The following ADAMTS17 variants were observed in gnomAD, a reference collection of about 807,000 sequenced individuals.
ADAMTS17 encodes A disintegrin and metalloproteinase with thrombospondin motifs 17.
Under a neutral mutation model 141.5 loss-of-function variants are expected in ADAMTS17, and 113 were observed. The observed-to-expected ratio is 0.80, with a 90% confidence interval of 0.69 to 0.93. The LOEUF is 0.93. Ranked by LOEUF, ADAMTS17 falls within the 40% of genes least tolerant of loss-of-function variation. ADAMTS17 has a pLI of 0.00. For missense variants in ADAMTS17, 1,659 were observed against 1,517.9 expected (o/e 1.09, Z -1.54); for synonymous variants, 768 against 630.6 (o/e 1.22, Z -3.27).
At chr15:100,044,818 T>C (rs957501367) in intron 18 of ADAMTS17, among the ~76,000 whole-genome samples, 11 of 151,938 alleles carry the variant, frequency 7.2e-5, no homozygotes, top group African/African-American at 2.7e-4. Flanking sequence ...TTTTTTTTTT[T>C]TTTTTTTGAG....
In ADAMTS17 at chr15:100,331,105, C is replaced by A. The variant is rs372604560; in HGVS notation, c.451-51G>T. 2.5e-6 allele frequency: 4 copies of A among 1,609,546 alleles called. No individual in the cohort carries two copies. The Admixed American group carries it at 5.0e-5, about 20-fold the overall frequency. Reference sequence around the variant, plus strand: ...GATGTCGGTCATCCTCACTCACACACGCCCATGGCCCCCCGGAGGGGCAGG... The same window carrying A: ...GATGTCGGTCATCCTCACTCACACAAGCCCATGGCCCCCCGGAGGGGCAGG... On this transcript the variant is annotated intron_variant, in intron 2 of 21. Coordinates refer to ENST00000268070, the MANE Select transcript of ADAMTS17 (RefSeq NM_139057.4).
At chr15:100,286,032 C>T (rs938926899) in intron 3 of ADAMTS17, among the ~76,000 whole-genome samples, 1 of 152,126 alleles carries the variant, frequency 6.6e-6, no homozygotes, top group African/African-American at 2.4e-5. Flanking sequence ...TTCCCAGGGG[C>T]GGCCCATCAT....
intron 20 of ADAMTS17, among the ~76,000 whole-genome samples, chr15:99,988,160 G>C (rs1194767952): frequency 6.6e-6 from 1 of 152,090 alleles, no homozygotes; most frequent in Non-Finnish European, 1.5e-5. Context: ...TTGGGTGTTT[G>C]TCCCACCAAA....
rs74037360 is a variant in ADAMTS17 at position 100,099,653 on chromosome 15, G to A, written c.2017-3177C>T. 7.0e-4 allele frequency among the ~76,000 whole-genome samples: 106 copies of A among 152,190 alleles called. 2 individuals are homozygous for A. Among genetic ancestry groups the A allele is most frequent in the African/African-American group, 2.4e-3 (98 of 41,488 alleles). ...AGTTCCTGGCCAGCATTTGCTGGTC[G>A]CGCCCTGTGCCTCTGGCTAAGTCAG... On this transcript the variant is annotated intron_variant, in intron 14 of 21. Transcript: ENST00000268070.
At position 99,993,378 on chromosome 15, in the gene ADAMTS17, G is replaced by C. The variant is rs2060730421; in HGVS notation, c.2797-178C>G. 6.6e-6 allele frequency among the ~76,000 whole-genome samples: 1 copy of C among 152,190 alleles called. No individual in the cohort carries two copies. Among genetic ancestry groups the C allele is most frequent in the Non-Finnish European group, 1.5e-5 (1 of 68,042 alleles). The stretch of plus-strand genomic sequence containing the variant: ...GGTCTTACGCACGTGGTCCCAGCTG[G>C]GGCCCCAGCCGAGTGGCCAGTGTTG... On this transcript the variant is annotated intron_variant, in intron 19 of 21. Transcript: ENST00000268070. This position sits in a 1 kb window ranked among gnomAD's most constrained non-coding sequence, Gnocchi z 4.3.
intron 8 of ADAMTS17, among the ~76,000 whole-genome samples, chr15:100,161,038 A>G (rs1567281613): frequency 6.6e-6 from 1 of 152,184 alleles, no homozygotes; most frequent in Admixed American, 6.5e-5. Context: ...AGTAATTTTA[A>G]CTTTCAGTGA....
At chr15:100,210,873 G>T (rs1843005742) in intron 7 of ADAMTS17, among the ~76,000 whole-genome samples, 1 of 152,094 alleles carries the variant, frequency 6.6e-6, no homozygotes, top group South Asian at 2.1e-4. Context: ...CAGCAGAGAT[G>T]GGCGGATCAC....
chr15:100,136,399 C>T (rs962090947), intron 10 of ADAMTS17, among the ~76,000 whole-genome samples: 1 of 152,228 alleles, frequency 6.6e-6, no homozygotes, highest in Non-Finnish European at 1.5e-5. Flanking sequence ...GCACTGCTCT[C>T]TGCACCCAAG....
At chr15:100,226,745 G>A (rs933813015) in intron 7 of ADAMTS17, among the ~76,000 whole-genome samples, 1 of 152,212 alleles carries the variant, frequency 6.6e-6, no homozygotes, top group African/African-American at 2.4e-5. Context: ...AACCAATGGT[G>A]AGTTTTATAC....
At chr15:100,066,448 T>A (rs1192974391) in intron 15 of ADAMTS17, among the ~76,000 whole-genome samples, 1 of 152,192 alleles carries the variant, frequency 6.6e-6, no homozygotes, top group Non-Finnish European at 1.5e-5. Flanking sequence ...TTTATCATTT[T>A]TTTCTCACCA....
At chr15:100,028,541 G>A (rs945388942) in intron 18 of ADAMTS17, among the ~76,000 whole-genome samples, 5 of 152,192 alleles carry the variant, frequency 3.3e-5, no homozygotes, top group African/African-American at 1.2e-4. Flanking sequence ...TCATAAAAAT[G>A]ACAAATTTAG....
chr15:100,037,085 G>A (rs76802098), intron 18 of ADAMTS17, among the ~76,000 whole-genome samples: 7,004 of 152,218 alleles, frequency 0.046, 331 homozygotes, highest in African/African-American at 0.12. Context: ...TACTGGAATT[G>A]CTGATTTGAA....
intron 15 of ADAMTS17, among the ~76,000 whole-genome samples, chr15:100,081,357 T>G (rs1267369864): frequency 2.0e-5 from 3 of 152,216 alleles, no homozygotes; most frequent in Non-Finnish European, 4.4e-5. Context: ...CCCCTATATA[T>G]ATATGCACAC....
chr15:100,190,867 C>T (rs755401160), intron 8 of ADAMTS17, among the ~76,000 whole-genome samples: 8 of 152,204 alleles, frequency 5.3e-5, no homozygotes, highest in African/African-American at 7.2e-5. Flanking sequence ...CAGGGCTCAG[C>T]GCTGGCCCTG....
chr15:100,075,136 A>C (rs1216683458), intron 15 of ADAMTS17, among the ~76,000 whole-genome samples: 9 of 152,186 alleles, frequency 5.9e-5, no homozygotes. Context: ...AAAATAAGGA[A>C]ATGAGAATAA....
chr15:100,272,195 G>A lies in ADAMTS17; in HGVS notation c.789+9034C>T, dbSNP rs138916654. ...TGGTTTTGGTTATTCAATGTCCTTT[G>A]AGATTTCATATTAATTTTAGAATGG... On this transcript the variant is annotated intron_variant, in intron 4 of 21. Coordinates refer to ENST00000268070, the MANE Select transcript of ADAMTS17 (RefSeq NM_139057.4). 1.7e-3 allele frequency among the ~76,000 whole-genome samples: 263 copies of A among 152,246 alleles called. 1 individual carries two copies. The highest frequency in any genetic ancestry group is 4.6e-3 in the Admixed American group (71 of 15,298).
chr15:100,058,799 G>A (rs2141636459), intron 15 of ADAMTS17, among the ~76,000 whole-genome samples: 1 of 152,344 alleles, frequency 6.6e-6, no homozygotes, highest in South Asian at 2.1e-4. Context: ...CAGGAAGAGG[G>A]CTACTGGAGG....
At chr15:100,339,071 G>T in intron 2 of ADAMTS17, 1 of 985,492 alleles carries the variant, frequency 1.0e-6, no homozygotes. Context: ...AGAAGTGTCT[G>T]CTCCGGCAGG....
chr15:100,068,900 A>T (rs1350512045), intron 15 of ADAMTS17, among the ~76,000 whole-genome samples: 1 of 152,122 alleles, frequency 6.6e-6, no homozygotes, highest in East Asian at 1.9e-4. Context: ...AGGGACAGAG[A>T]ATGATAAGCT....
Sources: allele counts gnomAD v4.1 joint callset (sites outside exome capture counted in the v4.1 genomes callset), GRCh38; gene constraint gnomAD v4.1.1; non-coding constraint Gnocchi (gnomAD v3.1); transcripts MANE v1.5; gene names NCBI Gene and HGNC (gene_info 2026-07-23, HGNC 2026-07-21).